The following CPN1 variants were observed in gnomAD, a reference collection of about 807,000 sequenced individuals.
CPN1 encodes the protein carboxypeptidase N catalytic chain.
CPN1 carries 37 observed loss-of-function variants against 46.4 expected under a neutral mutation model. That is an observed-to-expected ratio of 0.80 (90% CI 0.61 to 1.05). CPN1 has a LOEUF of 1.05. Among genes scored for constraint, CPN1 ranks in the 50% least tolerant of loss-of-function variants. CPN1 has a pLI of 0.00. For missense variants in CPN1, 563 were observed against 602.6 expected (o/e 0.93, Z 0.69); for synonymous variants, 224 against 235.4 (o/e 0.95, Z 0.44).
chr10:100,078,206 C>T (rs945156492), intron 1 of CPN1, among the ~76,000 whole-genome samples: 2 of 152,012 alleles, frequency 1.3e-5, no homozygotes, highest in Non-Finnish European at 1.5e-5. Context: ...CACTACCACA[C>T]GAGGCTAATT....
intron 7 of CPN1, among the ~76,000 whole-genome samples, chr10:100,051,008 G>C (rs775396548): frequency 3.7e-4 from 57 of 152,288 alleles, no homozygotes; most frequent in South Asian, 8.3e-4. Flanking sequence ...CTGGGCGACA[G>C]AGCGAGACTC....
At chr10:100,070,166 G>A (rs2041476380) in intron 2 of CPN1, among the ~76,000 whole-genome samples, 1 of 151,672 alleles carries the variant, frequency 6.6e-6, no homozygotes, top group African/African-American at 2.4e-5. Flanking sequence ...GGGCTCAAGT[G>A]ATCCACCCAC....
rs189044474 is a variant in CPN1, at chr10:100,081,379, C to T, written c.223+24G>A. On this transcript the variant is annotated intron_variant, in intron 1 of 8. Coordinates refer to ENST00000370418, the MANE Select transcript of CPN1 (RefSeq NM_001308.3). The stretch of plus-strand genomic sequence containing the variant: ...AAGGGAAAGGCCCTGCCCCACACAC[C>T]CTCAAGAGCTGTTCAGAACTTACAG... 3.1e-6 allele frequency: 5 copies of T among 1,602,286 alleles called. No individual in the cohort carries two copies. In the East Asian group the frequency reaches 1.1e-4, roughly 36 times the overall value.
intron 1 of CPN1, among the ~76,000 whole-genome samples, chr10:100,077,896 T>G (rs1188003508): frequency 6.6e-6 from 1 of 152,060 alleles, no homozygotes; most frequent in Non-Finnish European, 1.5e-5. Context: ...CTCCTATTTA[T>G]TTAAAAAAAA....
chr10:100,053,164 T>C (rs548416791), intron 7 of CPN1, among the ~76,000 whole-genome samples: 1 of 152,358 alleles, frequency 6.6e-6, no homozygotes, highest in Admixed American at 6.5e-5. Context: ...GGCTACAGGA[T>C]TCTGCCTTTA....
intron 2 of CPN1, among the ~76,000 whole-genome samples, chr10:100,074,411 A>G (rs1315355980): frequency 6.6e-6 from 1 of 152,266 alleles, no homozygotes; most frequent in African/African-American, 2.4e-5. Context: ...GTGGACTGGC[A>G]GGGATTTTCC....
At chr10:100,049,771 G>T (rs950855235) in intron 7 of CPN1, among the ~76,000 whole-genome samples, 12 of 152,158 alleles carry the variant, frequency 7.9e-5, no homozygotes, top group African/African-American at 2.4e-4. Context: ...CTTAATAGGA[G>T]TACGGCCTCA....
chr10:100,065,225 G>A lies in CPN1; in HGVS notation c.722C>T (p.Ala241Val), dbSNP rs534883843. The A allele has an allele frequency of 5.0e-6, 8 of 1,614,028 alleles. No individual in the cohort carries two copies. In the South Asian group the frequency reaches 6.6e-5, roughly 13 times the overall value. The change falls in exon 4 of 9, where the codon GCC becomes GTC. Residue 241 changes from alanine (A) to valine (V), a missense_variant. Physicochemically the swap from Ala to Val is moderately conservative, Grantham distance 64 (BLOSUM62 0). Coordinates refer to ENST00000370418, the MANE Select transcript of CPN1 (RefSeq NM_001308.3). ...EHRVRGVRRT[A>V]STPTPDDKLF... ...CTTGTCGTCAGGCGTGGGGGTGCTGGCGGTGCGGCGGACCCCTCGGACCCG... is the reference window on the plus strand; with the variant it reads ...CTTGTCGTCAGGCGTGGGGGTGCTGACGGTGCGGCGGACCCCTCGGACCCG...
intron 8 of CPN1, 61 bp downstream of exon 8, chr10:100,048,697 C>G: frequency 1.7e-6 from 2 of 1,207,956 alleles, no homozygotes; most frequent in Non-Finnish European, 1.2e-6. Context: ...GGACACTGTC[C>G]TCCAAAAAAA....
At chr10:100,054,202 T>C in intron 7 of CPN1, 145 bp downstream of exon 7, 2 of 697,298 alleles carry the variant, frequency 2.9e-6, no homozygotes, top group Admixed American at 4.1e-5. Flanking sequence ...CCATTTTCAT[T>C]GCCCTTCTTT....
intron 6 of CPN1, among the ~76,000 whole-genome samples, chr10:100,054,750 C>T (rs2041375274): frequency 6.6e-6 from 1 of 151,948 alleles, no homozygotes; most frequent in South Asian, 2.1e-4. Context: ...TACCTGTTAG[C>T]TCTCTGATCC....
At chr10:100,051,110 A>G (rs1370846228) in intron 7 of CPN1, among the ~76,000 whole-genome samples, 1 of 152,252 alleles carries the variant, frequency 6.6e-6, no homozygotes, top group Non-Finnish European at 1.5e-5. Context: ...TTCTATAACA[A>G]GGAAAGTGCA....
chr10:100,050,785 T>C (rs192565203), intron 7 of CPN1, among the ~76,000 whole-genome samples: 2 of 152,270 alleles, frequency 1.3e-5, no homozygotes, highest in Admixed American at 6.5e-5. Flanking sequence ...CCACTGTGAC[T>C]GGTAAATTTT....
rs1166430372 is a variant in CPN1, at chr10:100,076,122, A to C, written c.224-15T>G. 2 of 1,613,940 alleles carry C rather than the reference A, an allele frequency of 1.2e-6. No homozygotes were observed. The highest frequency in any genetic ancestry group is 2.7e-5 in the African/African-American group (2 of 74,944). On this transcript the variant is annotated splice_polypyrimidine_tract_variant and intron_variant, in intron 1 of 8. Coordinates refer to ENST00000370418, the MANE Select transcript of CPN1 (RefSeq NM_001308.3). ...CTCTGGTTCCACTGCAAGGAAGAGAAAAGATGGGGGAAGCTTGGAAGTGTC... is the reference window on the plus strand; with the variant it reads ...CTCTGGTTCCACTGCAAGGAAGAGACAAGATGGGGGAAGCTTGGAAGTGTC...
Position 100,042,560 on chromosome 10 carries a change from A to G in CPN1, c.1244T>C (p.Leu415Pro). 1 of 1,613,810 alleles carries G rather than the reference A, an allele frequency of 6.2e-7. No individual in the cohort carries two copies. The highest frequency in any genetic ancestry group is 1.1e-5 in the South Asian group (1 of 91,068). Residue 415 changes from leucine to proline, a missense_variant, in exon 9 of 9, where the codon CTC (leucine) becomes CCC (proline). Physicochemically the swap from Leu to Pro is moderately conservative, Grantham distance 98 (BLOSUM62 -3). Coordinates refer to ENST00000370418, the MANE Select transcript of CPN1 (RefSeq NM_001308.3). ...PAEPTLVNFH[L>P]KRSIPQVSPV... is the part of the protein sequence containing the mutation. ...GCTTACTTGAGGGATGCTTCTTTTG[A>G]GGTGGAAGTTAACCTGGAAGAAAAA...
intron 2 of CPN1, among the ~76,000 whole-genome samples, chr10:100,075,443 C>A (rs2041508334): frequency 6.6e-6 from 1 of 152,174 alleles, no homozygotes; most frequent in Non-Finnish European, 1.5e-5. Context: ...AGCCCCCTAC[C>A]CCCAGTTCTG....
At chr10:100,072,950 C>T (rs2041493666) in intron 2 of CPN1, among the ~76,000 whole-genome samples, 1 of 152,164 alleles carries the variant, frequency 6.6e-6, no homozygotes, top group Non-Finnish European at 1.5e-5. Flanking sequence ...GAAGGTGGAG[C>T]CCAAATTGTT....
At chr10:100,053,377 A>T (rs962946724) in intron 7 of CPN1, among the ~76,000 whole-genome samples, 1 of 152,130 alleles carries the variant, frequency 6.6e-6, no homozygotes, top group Non-Finnish European at 1.5e-5. Flanking sequence ...GGTGGCTCAC[A>T]CCTGTAACCC....
rs149559881 is a variant in CPN1, at chr10:100,072,561, T to A, written c.421-2692A>T. On this transcript the variant is annotated intron_variant, in intron 2 of 8. Transcript: ENST00000370418. ...CCCCCTTCAAAAAATTTAGGATGCT[T>A]ACTTATCTTTCTTTTGAGCAATATC... 2.4e-3 allele frequency among the ~76,000 whole-genome samples: 364 copies of A among 152,344 alleles called. 1 individual carries two copies. Among genetic ancestry groups the A allele is most frequent in the African/African-American group, 8.5e-3 (352 of 41,578 alleles).
Sources: gnomAD v4.1 joint callset for allele counts (sites outside exome capture counted in the v4.1 genomes callset) on GRCh38, gnomAD v4.1.1 for gene constraint, MANE v1.5 for transcripts, NCBI Gene and HGNC (gene_info 2026-07-23, HGNC 2026-07-21) for gene names.